Variants in ERLEC1 observed in about 807,000 individuals in gnomAD.
The protein encoded by ERLEC1 is endoplasmic reticulum lectin 1.
A neutral mutation model predicts 68.0 loss-of-function variants in ERLEC1; 47 were observed. The ratio of observed to expected loss-of-function variants is 0.69; its 90% CI spans 0.55 to 0.88. ERLEC1 has a LOEUF of 0.88. ERLEC1 is among the 40% of genes least tolerant of loss of function. The pLI is 0.00. For synonymous variants in ERLEC1, 225 were observed against 203.2 expected, an observed-to-expected ratio of 1.11 and a Z score of -0.91; for missense variants, 567 against 583.8, an observed-to-expected ratio of 0.97 and a Z score of 0.30.
chr2:53,794,453 A>G lies in ERLEC1; in HGVS notation c.267+4A>G, dbSNP rs779278170. ...CCTTGTGACAAGTGGGGATGAGGTA[A>G]GTTTTTATAAATATATTGATAATCC... On this transcript the variant is annotated splice_donor_region_variant and intron_variant, in intron 2 of 13. Coordinates refer to ENST00000185150, the MANE Select transcript of ERLEC1 (RefSeq NM_015701.5). 13 of 1,365,870 alleles carry G rather than the reference A, an allele frequency of 9.5e-6. No homozygotes were observed. The East Asian group carries it at 2.8e-4, about 29-fold the overall frequency. 84.6% of individuals were successfully genotyped at this position (1,365,870 alleles called of 1,614,324 possible). A position where few individuals can be genotyped will look rare whatever the true frequency, so the allele number is the denominator to read the frequency against.
At position 53,818,292 on chromosome 2, in the gene ERLEC1, A is replaced by G. The variant is rs1474820437; in HGVS notation, c.*323A>G. ...ATCAAATGTCATAATTGTTGTACCT[A>G]TTGAAAGTTTTTAAATAATAGATTT... On this transcript the variant is annotated 3_prime_UTR_variant, in exon 14 of 14. Transcript: ENST00000185150. 1 of 179,178 alleles carries G rather than the reference A, an allele frequency of 5.6e-6. No individual in the cohort carries two copies. The highest frequency in any genetic ancestry group is 2.4e-5 in the African/African-American group (1 of 42,540). 11.1% of individuals were successfully genotyped at this position (179,178 alleles called of 1,614,324 possible). A position where few individuals can be genotyped will look rare whatever the true frequency, so the allele number is the denominator to read the frequency against.
intron 10 of ERLEC1, among the ~76,000 whole-genome samples, chr2:53,810,119 A>G (rs959923242): frequency 1.3e-5 from 2 of 152,272 alleles, no homozygotes; most frequent in East Asian, 3.9e-4. Flanking sequence ...AAGATCATAC[A>G]TTATCACTAG....
At chr2:53,796,124 C>G (rs1361893976) in intron 3 of ERLEC1, 111 bp downstream of exon 3, 3 of 684,250 alleles carry the variant, frequency 4.4e-6, no homozygotes, top group South Asian at 2.2e-5. Flanking sequence ...TTTTTTTTAA[C>G]TATTATTTTA....
intron 13 of ERLEC1, among the ~76,000 whole-genome samples, chr2:53,816,732 A>G (rs999945687): frequency 2.0e-5 from 3 of 152,130 alleles, no homozygotes; most frequent in Non-Finnish European, 4.4e-5. Context: ...TAAAGACTTT[A>G]TGGTTCTACC....
intron 11 of ERLEC1, 87 bp from the exon 12 acceptor site, chr2:53,814,456 C>G: frequency 1.1e-6 from 1 of 879,044 alleles, no homozygotes; most frequent in South Asian, 1.7e-5. Context: ...AAACTGATCC[C>G]TCTAACCATC....
At chr2:53,817,770 G>A in intron 13 of ERLEC1, 128 bp from the exon 14 acceptor site, 1 of 612,614 alleles carries the variant, frequency 1.6e-6, no homozygotes. Context: ...TAGAAATAAT[G>A]TTGGATGTTT....
In ERLEC1 at chr2:53,797,190, C is replaced by A. The variant is rs2949812; in HGVS notation, c.349-325C>A. Reference sequence around the variant, plus strand: ...GATTACAGGCGTAAGCCAGTACACCCGGCCGAGTATATAATAGAATTTTAA... The same window carrying A: ...GATTACAGGCGTAAGCCAGTACACCAGGCCGAGTATATAATAGAATTTTAA... On this transcript the variant is annotated intron_variant, in intron 3 of 13. Transcript: ENST00000185150. 5.8e-4 allele frequency among the ~76,000 whole-genome samples: 88 copies of A among 152,108 alleles called. 1 individual carries two copies. The East Asian group carries it at 0.012, about 21-fold the overall frequency.
intron 8 of ERLEC1, among the ~76,000 whole-genome samples, chr2:53,803,644 A>AT (rs1676122562): frequency 6.6e-6 from 1 of 152,064 alleles, no homozygotes; most frequent in Non-Finnish European, 1.5e-5. Flanking sequence ...TCGTGCTAGC[A>AT]TATAGCTGTA....
At chr2:53,794,281 A>G in intron 1 of ERLEC1, 64 bp from the exon 2 acceptor site, 1 of 668,222 alleles carries the variant, frequency 1.5e-6, no homozygotes, top group Non-Finnish European at 2.5e-6. Flanking sequence ...AGCTAAGACT[A>G]AAGTTATTCA....
chr2:53,795,788 C>A, intron 2 of ERLEC1, 145 bp from the exon 3 acceptor site: 2 of 556,080 alleles, frequency 3.6e-6, no homozygotes, highest in South Asian at 2.4e-5. Context: ...CAATGGCGTA[C>A]CGTAGGGTCT....
At chr2:53,816,330 G>A (rs1252797028) in intron 13 of ERLEC1, among the ~76,000 whole-genome samples, 4 of 144,846 alleles carry the variant, frequency 2.8e-5, no homozygotes, top group African/African-American at 1.0e-4. Context: ...GCAGTGGCAT[G>A]ATCTCGGCTC....
chr2:53,815,074 T>C (rs1309847125), intron 13 of ERLEC1, 139 bp downstream of exon 13: 1 of 553,148 alleles, frequency 1.8e-6, no homozygotes, highest in Non-Finnish European at 3.1e-6. Flanking sequence ...GGCATAATCT[T>C]GGCTCACTGC....
At chr2:53,802,463 T>TA in intron 8 of ERLEC1, among the ~76,000 whole-genome samples, 1 of 152,374 alleles carries the variant, frequency 6.6e-6, no homozygotes, top group East Asian at 1.9e-4. Context: ...AAAGGCTTTT[T>TA]AAATCCATCC....
chr2:53,793,672 C>T (rs1292130551), intron 1 of ERLEC1, among the ~76,000 whole-genome samples: 1 of 151,362 alleles, frequency 6.6e-6, no homozygotes, highest in Non-Finnish European at 1.5e-5. Flanking sequence ...ATCTTGAACT[C>T]CTGGGCTAAA....
chr2:53,803,535 A>C (rs1372710858), intron 8 of ERLEC1, among the ~76,000 whole-genome samples: 1 of 151,770 alleles, frequency 6.6e-6, no homozygotes, highest in East Asian at 1.9e-4. Context: ...AGGCCGAGGC[A>C]GGAGGATTGC....
intron 8 of ERLEC1, among the ~76,000 whole-genome samples, chr2:53,806,822 G>A (rs568164113): frequency 5.9e-5 from 9 of 152,030 alleles, no homozygotes; most frequent in South Asian, 2.1e-4. Flanking sequence ...ATTTATAATC[G>A]GTGCACTCAC....
intron 10 of ERLEC1, among the ~76,000 whole-genome samples, chr2:53,809,618 C>T (rs1288821659): frequency 6.6e-6 from 1 of 152,056 alleles, no homozygotes; most frequent in Non-Finnish European, 1.5e-5. Flanking sequence ...GGAGTGGTGC[C>T]GCATGCCTGG....
In ERLEC1 at chr2:53,807,874, A is replaced by G. The variant is rs75171794; in HGVS notation, c.880-425A>G. ...ACAACAACAACAACAACAACAACAAAAAATGCCAGGCGTGGTGGCAGGCTC... is the reference window on the plus strand; with the variant it reads ...ACAACAACAACAACAACAACAACAAGAAATGCCAGGCGTGGTGGCAGGCTC... On this transcript the variant is annotated intron_variant, in intron 8 of 13. Transcript: ENST00000185150. 2.7e-5 allele frequency among the ~76,000 whole-genome samples: 4 copies of G among 149,178 alleles called. No homozygotes were observed. In the East Asian group the frequency reaches 7.8e-4, roughly 29 times the overall value.
At chr2:53,814,989 TTTTTTC>T in intron 13 of ERLEC1, 54 bp downstream of exon 13, 1 of 1,074,796 alleles carries the variant, frequency 9.3e-7, no homozygotes, top group Non-Finnish European at 1.3e-6. Context: ...GTTTTAATTT[TTTTTTC>T]TTTTTTTTTT....
Sources: allele counts gnomAD v4.1 joint callset (sites outside exome capture counted in the v4.1 genomes callset), GRCh38; gene constraint gnomAD v4.1.1; transcripts MANE v1.5; gene names NCBI Gene and HGNC (gene_info 2026-07-23, HGNC 2026-07-21).